Variants in NQO1 observed in about 807,000 individuals in gnomAD.
NQO1 encodes NAD(P)H quinone dehydrogenase 1, also known as NAD(P)H dehydrogenase [quinone] 1.
NQO1 carries 30 observed loss-of-function variants against 32.1 expected under a neutral mutation model. The observed-to-expected ratio is 0.94, with a 90% CI of 0.70 to 1.27. The LOEUF is 1.27. NQO1 is among the 50% of genes most tolerant of loss of function. NQO1 has a pLI of 0.00. For synonymous variants in NQO1, 109 were observed against 119.7 expected (o/e 0.91, Z 0.59); for missense variants, 276 against 331.3 (o/e 0.83, Z 1.30).
chr16:69,715,075 G>C lies in NQO1; in HGVS notation c.306C>G (p.Phe102Leu). The C allele has an allele frequency of 1.2e-6, 2 of 1,611,892 alleles. No homozygotes were observed. Among genetic ancestry groups the C allele is most frequent in the Non-Finnish European group, 1.7e-6 (2 of 1,178,252 alleles). ...LEAADLVIFQFPLQWFGVPAI... is the reference protein window; with the variant it reads ...LEAADLVIFQLPLQWFGVPAI... The stretch of plus-strand genomic sequence containing the variant: ...CAGGGACTCCAAACCACTGCAGGGG[G>C]AACTGTGGGACAGAAGACATCATTG... The change falls in exon 4 of 6, where the codon TTC (phenylalanine) becomes TTG (leucine). Residue 102 changes from phenylalanine (F) to leucine (L), a missense_variant and splice_region_variant. Transcript: ENST00000320623.
At chr16:69,714,039 C>G (rs564141682) in intron 4 of NQO1, among the ~76,000 whole-genome samples, 1 of 152,102 alleles carries the variant, frequency 6.6e-6, no homozygotes, top group South Asian at 2.1e-4. Context: ...CCGCACCCGG[C>G]TAAGTTTTTT....
intron 1 of NQO1, among the ~76,000 whole-genome samples, chr16:69,723,778 C>A (rs1837016): frequency 2.0e-5 from 3 of 151,942 alleles, no homozygotes; most frequent in African/African-American, 7.2e-5. Context: ...CTCCAGCCTG[C>A]GCAACAGAGC....
At chr16:69,722,366 TAGCC>T (rs2038204113) in intron 1 of NQO1, among the ~76,000 whole-genome samples, 1 of 152,048 alleles carries the variant, frequency 6.6e-6, no homozygotes, top group African/African-American at 2.4e-5. Flanking sequence ...GACACCATGT[TAGCC>T]AGGATGGTCT....
In NQO1 at chr16:69,726,468, G is replaced by A; in HGVS notation, c.-29C>T. On this transcript the variant is annotated 5_prime_UTR_variant, in exon 1 of 6. Transcript: ENST00000320623. The stretch of plus-strand genomic sequence containing the variant: ...TCTGGTGCAGTCCGGGGCGCTGATT[G>A]GCTGGGCTCGTGGTTGCCGGGGCGA... 1 of 1,606,554 alleles carries A rather than the reference G, an allele frequency of 6.2e-7. No individual in the cohort carries two copies.
chr16:69,726,003 T>C (rs2038256711), intron 1 of NQO1, among the ~76,000 whole-genome samples: 1 of 152,240 alleles, frequency 6.6e-6, no homozygotes, highest in Admixed American at 6.5e-5. Context: ...ATATTCTCAT[T>C]TTCTTCAGAA....
intron 1 of NQO1, among the ~76,000 whole-genome samples, chr16:69,719,865 C>T (rs1046744015): frequency 6.6e-6 from 1 of 152,028 alleles, no homozygotes; most frequent in South Asian, 2.1e-4. Flanking sequence ...TGTAATCCAG[C>T]TACTTGGAAG....
intron 1 of NQO1, among the ~76,000 whole-genome samples, chr16:69,718,962 G>A (rs1263066989): frequency 2.0e-5 from 3 of 151,656 alleles, no homozygotes; most frequent in African/African-American, 7.3e-5. Context: ...TTGAACTCGG[G>A]AGGGGGAGGT....
chr16:69,711,077 CT>C lies in NQO1; in HGVS notation c.723del (p.Glu242ArgfsTer37). The C allele has an allele frequency of 6.2e-7, 1 of 1,614,202 alleles. No homozygotes were observed. Among genetic ancestry groups the C allele is most frequent in the Non-Finnish European group, 8.5e-7 (1 of 1,180,036 alleles). ...LNFQAGFLMK[K>X]EVQDEEKNKK... Reference sequence around the variant, plus strand: ...TTGTTTTTCTCCTCATCCTGTACCTCTTTTTTCATTAAGAATCCTGCCTGGA... The same window carrying C: ...TTGTTTTTCTCCTCATCCTGTACCTCTTTTTCATTAAGAATCCTGCCTGGA... On this transcript the variant is annotated frameshift_variant, in exon 6 of 6. Transcript: ENST00000320623. LOFTEE classifies it high-confidence loss of function.
intron 1 of NQO1, among the ~76,000 whole-genome samples, chr16:69,720,921 C>T (rs1324323500): frequency 2.6e-5 from 4 of 152,070 alleles, no homozygotes; most frequent in African/African-American, 9.7e-5. Context: ...CGATCTGTTG[C>T]CCAGGCTGGA....
At chr16:69,718,065 T>C (rs2038137522) in intron 3 of NQO1, 58 bp downstream of exon 3, 16 of 1,603,716 alleles carry the variant, frequency 1.0e-5, no homozygotes, top group Non-Finnish European at 1.4e-5. Flanking sequence ...ATTAGGTACA[T>C]GTCTAGGACA....
At chr16:69,719,799 G>GT (rs957038081) in intron 1 of NQO1, among the ~76,000 whole-genome samples, 2 of 150,202 alleles carry the variant, frequency 1.3e-5, no homozygotes, top group Non-Finnish European at 3.0e-5. Flanking sequence ...TAAGATAAAA[G>GT]TAAAAAATAT....
Position 69,710,711 on chromosome 16 carries a change from T to TCGG in NQO1, c.*264_*265insCCG. 1 of 417,398 alleles carries TCGG rather than the reference T, an allele frequency of 2.4e-6. No homozygotes were observed. The highest frequency in any genetic ancestry group is 4.3e-6 in the Non-Finnish European group (1 of 234,830). 25.9% of individuals were successfully genotyped at this position (417,398 alleles called of 1,614,324 possible). A position where few individuals can be genotyped will look rare whatever the true frequency, so the allele number is the denominator to read the frequency against. On this transcript the variant is annotated 3_prime_UTR_variant, in exon 6 of 6. Transcript: ENST00000320623. ...AGAGGAATTAAATTGTGTAGATGCC[T>TCGG]TTAAAGAACATTTTTCTAGCATCTT... is the stretch of plus-strand genomic sequence containing the variant.
At position 69,709,689 on chromosome 16, in the gene NQO1, G is replaced by A. The variant is rs1021726213; in HGVS notation, c.*1287C>T. The A allele has an allele frequency of 2.5e-6, 1 of 397,744 alleles. No individual in the cohort carries two copies. Among genetic ancestry groups the A allele is most frequent in the Non-Finnish European group, 4.4e-6 (1 of 225,712 alleles). 24.6% of individuals were successfully genotyped at this position (397,744 alleles called of 1,614,324 possible). ...CATCTCTTCTTTCAATGCACCACAA[G>A]AGGGCAGTGTTTTATCATATTCTCC... On this transcript the variant is annotated 3_prime_UTR_variant, in exon 6 of 6. Coordinates refer to ENST00000320623, the MANE Select transcript of NQO1 (RefSeq NM_000903.3).
chr16:69,710,861 T>A lies in NQO1; in HGVS notation c.*115A>T. 3.5e-6 allele frequency: 4 copies of A among 1,143,794 alleles called. No individual in the cohort carries two copies. The highest frequency in any genetic ancestry group is 1.6e-5 in the African/African-American group (1 of 64,156). 70.9% of individuals were successfully genotyped at this position (1,143,794 alleles called of 1,614,324 possible). On this transcript the variant is annotated 3_prime_UTR_variant, in exon 6 of 6. Coordinates refer to ENST00000320623, the MANE Select transcript of NQO1 (RefSeq NM_000903.3). ...ACGAATACAGTCGATTCCCTCTCAT[T>A]TATTCCTTGTGGAAAAAGAAAAACA...
At chr16:69,715,732 C>T (rs1315550877) in intron 3 of NQO1, among the ~76,000 whole-genome samples, 1 of 152,230 alleles carries the variant, frequency 6.6e-6, no homozygotes, top group South Asian at 2.1e-4. Context: ...CGTGCCACTG[C>T]ACTCCAGCCT....
At position 69,722,051 on chromosome 16, in the gene NQO1, GAA is replaced by G. The variant is rs543779473; in HGVS notation, c.8-3519_8-3518del. Among the ~76,000 whole-genome samples, 19 of 151,658 alleles carry G rather than the reference GAA, an allele frequency of 1.3e-4. No individual in the cohort carries two copies. In the South Asian group the frequency reaches 3.7e-3, roughly 30 times the overall value. On this transcript the variant is annotated intron_variant, in intron 1 of 5. Coordinates refer to ENST00000320623, the MANE Select transcript of NQO1 (RefSeq NM_000903.3). Reference sequence around the variant, plus strand: ...CAAGGGCATAGAGCGAATTGCCAGAGAAAGGACGCTTACCCCCACAGTTGCTC... The same window carrying G: ...CAAGGGCATAGAGCGAATTGCCAGAGAGGACGCTTACCCCCACAGTTGCTC...
chr16:69,722,136 A>G (rs2038200214), intron 1 of NQO1, among the ~76,000 whole-genome samples: 1 of 127,442 alleles, frequency 7.8e-6, no homozygotes, highest in Non-Finnish European at 1.6e-5. Flanking sequence ...GAGCTGGGAG[A>G]GAAGGCATCT....
chr16:69,721,373 G>A (rs1714683356), intron 1 of NQO1, among the ~76,000 whole-genome samples: 2 of 152,140 alleles, frequency 1.3e-5, no homozygotes, highest in South Asian at 2.1e-4. Context: ...CCAGCACGGG[G>A]CTCACCTGCC....
In NQO1 at chr16:69,716,884, G is replaced by C. The variant is rs561335099; in HGVS notation, c.303+1239C>G. Among the ~76,000 whole-genome samples, 24 of 152,292 alleles carry C rather than the reference G, an allele frequency of 1.6e-4. 1 individual carries two copies. Among genetic ancestry groups the C allele is most frequent in the African/African-American group, 5.8e-4 (24 of 41,572 alleles). Reference sequence around the variant, plus strand: ...GAGGATCATTTGAGCCCAGGAGGTTGAGGCAGCAGTGAGCAGAGATCATGC... The same window carrying C: ...GAGGATCATTTGAGCCCAGGAGGTTCAGGCAGCAGTGAGCAGAGATCATGC... On this transcript the variant is annotated intron_variant, in intron 3 of 5. Coordinates refer to ENST00000320623, the MANE Select transcript of NQO1 (RefSeq NM_000903.3).
Sources: allele counts gnomAD v4.1 joint callset (sites outside exome capture counted in the v4.1 genomes callset), GRCh38; gene constraint gnomAD v4.1.1; transcripts MANE v1.5; gene names NCBI Gene and HGNC (gene_info 2026-07-23, HGNC 2026-07-21).